Variants in LCMT1 observed in about 807,000 individuals in gnomAD.
The protein encoded by LCMT1 is leucine carboxyl methyltransferase 1.
A neutral mutation model predicts 47.7 loss-of-function variants in LCMT1; 32 were observed. The observed-to-expected ratio is 0.67, with a 90% confidence interval of 0.51 to 0.90. The LOEUF (loss-of-function observed/expected upper bound fraction) is 0.90, where lower values mean the gene tolerates loss of function less well. Ranked by LOEUF, LCMT1 falls within the 40% of genes least tolerant of loss-of-function variation. LCMT1 has a pLI of 0.00. For missense variants in LCMT1, 375 were observed against 415.2 expected (o/e 0.90, Z 0.84); for synonymous variants, 152 against 149.7 (o/e 1.02, Z -0.11).
intron 1 of LCMT1, among the ~76,000 whole-genome samples, chr16:25,112,220 G>A (rs1247127358): frequency 6.6e-6 from 1 of 152,344 alleles, no homozygotes. Context: ...CCTGGGTATC[G>A]TCGATGGGAG....
chr16:25,136,807 G>A (rs1363078572), intron 3 of LCMT1, among the ~76,000 whole-genome samples: 1 of 152,096 alleles, frequency 6.6e-6, no homozygotes, highest in Non-Finnish European at 1.5e-5. Flanking sequence ...CTAAAGTGCA[G>A]GGATTACAGA....
chr16:25,168,307 C>T (rs1416903793), intron 7 of LCMT1, among the ~76,000 whole-genome samples: 1 of 152,172 alleles, frequency 6.6e-6, no homozygotes, highest in Non-Finnish European at 1.5e-5. Context: ...CCTCAGCCTC[C>T]CAAAGTGCTG....
chr16:25,172,209 A>G (rs1318572304), intron 9 of LCMT1, among the ~76,000 whole-genome samples: 1 of 151,914 alleles, frequency 6.6e-6, no homozygotes, highest in Non-Finnish European at 1.5e-5. Context: ...TGGGAGGCTG[A>G]GGCAGAAGAA....
intron 6 of LCMT1, 95 bp downstream of exon 6, chr16:25,161,299 C>T: frequency 1.7e-6 from 1 of 575,570 alleles, no homozygotes; most frequent in East Asian, 3.0e-5. Flanking sequence ...ATTCATGTTC[C>T]ATTTTTTATT....
intron 1 of LCMT1, chr16:25,125,898 G>C: frequency 1.6e-6 from 1 of 638,150 alleles, no homozygotes; most frequent in South Asian, 4.4e-5. Flanking sequence ...TTGTTCAGCA[G>C]TTGGTTCACT....
At chr16:25,146,280 G>A (rs941656582) in intron 4 of LCMT1, 9 of 152,500 alleles carry the variant, frequency 5.9e-5, no homozygotes, top group African/African-American at 1.9e-4. Context: ...AGGCTCCGTG[G>A]TGTGATGACG....
At chr16:25,163,494 A>G (rs1597599986) in intron 6 of LCMT1, among the ~76,000 whole-genome samples, 1 of 151,736 alleles carries the variant, frequency 6.6e-6, no homozygotes, top group Non-Finnish European at 1.5e-5. Context: ...AAAGAATCTA[A>G]TATATATGTG....
intron 10 of LCMT1, 104 bp downstream of exon 10, chr16:25,175,138 T>C: frequency 3.1e-6 from 2 of 652,062 alleles, no homozygotes; most frequent in South Asian, 3.9e-5. Context: ...TCTTTCTCTC[T>C]CTGTCCCTTC....
At chr16:25,157,102 C>T (rs1961282514) in intron 5 of LCMT1, among the ~76,000 whole-genome samples, 1 of 152,124 alleles carries the variant, frequency 6.6e-6, no homozygotes, top group African/African-American at 2.4e-5. Context: ...TCTCGAAATG[C>T]ACCTGGCGGT....
rs1273648071 is a variant in LCMT1 at position 25,132,388 on chromosome 16, C to G, written c.206-14C>G. Reference sequence around the variant, plus strand: ...TGGGTGATAGCTTGTTTCTGTGCCTCCCCTCCCCCCTAGGATATTTTGCTC... The same window carrying G: ...TGGGTGATAGCTTGTTTCTGTGCCTGCCCTCCCCCCTAGGATATTTTGCTC... On this transcript the variant is annotated splice_polypyrimidine_tract_variant and intron_variant, in intron 2 of 10. Transcript: ENST00000399069. The G allele has an allele frequency of 6.2e-7, 1 of 1,612,658 alleles. No individual in the cohort carries two copies. The highest frequency in any genetic ancestry group is 1.1e-5 in the South Asian group (1 of 91,026).
At chr16:25,169,069 G>C (rs558902628) in intron 7 of LCMT1, 43 bp from the exon 8 acceptor site, 35 of 1,353,576 alleles carry the variant, frequency 2.6e-5, no homozygotes, top group Non-Finnish European at 3.7e-5. Context: ...TGCATATTTA[G>C]GAAACCCTTA....
intron 3 of LCMT1, among the ~76,000 whole-genome samples, chr16:25,135,284 A>AT (rs1941295712): frequency 7.1e-6 from 1 of 140,610 alleles, no homozygotes; most frequent in Non-Finnish European, 1.6e-5. Context: ...TTTCTTTTAA[A>AT]ATATATATCT....
chr16:25,125,086 A>G (rs1960121658), intron 1 of LCMT1, among the ~76,000 whole-genome samples: 2 of 152,196 alleles, frequency 1.3e-5, no homozygotes, highest in African/African-American at 4.8e-5. Flanking sequence ...TGAATATGAA[A>G]TCAGGATATA....
rs144420727 is a variant in LCMT1 at position 25,150,423 on chromosome 16, C to T, written c.405-1131C>T. ...GCAATGGCACGATCTCAGCTCACCG[C>T]AACCTCCGCCTCCTAGGTGCAAGCG... On this transcript the variant is annotated intron_variant, in intron 4 of 10. Transcript: ENST00000399069. Among the ~76,000 whole-genome samples the T allele has an allele frequency of 5.1e-3, 763 of 148,526 alleles. 9 individuals carry two copies. Among genetic ancestry groups the T allele is most frequent in the African/African-American group, 0.018 (725 of 40,198 alleles).
At chr16:25,176,803 C>T (rs117186510) in intron 10 of LCMT1, among the ~76,000 whole-genome samples, 9,147 of 150,008 alleles carry the variant, frequency 0.061, 334 homozygotes, top group East Asian at 0.14. Flanking sequence ...CTTAAGTGAT[C>T]TGCCTGGCTC....
intron 1 of LCMT1, among the ~76,000 whole-genome samples, chr16:25,118,921 G>A (rs1959883419): frequency 6.6e-6 from 1 of 152,152 alleles, no homozygotes; most frequent in African/African-American, 2.4e-5. Flanking sequence ...TCCTCTCAGT[G>A]GGGTGGGAGC....
At chr16:25,170,878 A>T (rs770809698) in intron 9 of LCMT1, 73 bp downstream of exon 9, 411 of 970,062 alleles carry the variant, frequency 4.2e-4, no homozygotes, top group Non-Finnish European at 5.8e-4. Context: ...GTATTCTTTC[A>T]TGCAGAAAAA....
chr16:25,132,398 C>T lies in LCMT1; in HGVS notation c.206-4C>T, dbSNP rs770440073. 3 of 1,613,460 alleles carry T rather than the reference C, an allele frequency of 1.9e-6. No homozygotes were observed. Among genetic ancestry groups the T allele is most frequent in the Non-Finnish European group, 2.5e-6 (3 of 1,179,754 alleles). On this transcript the variant is annotated splice_polypyrimidine_tract_variant and splice_region_variant and intron_variant, in intron 2 of 10. Transcript: ENST00000399069. ...CTTGTTTCTGTGCCTCCCCTCCCCC[C>T]TAGGATATTTTGCTCGAGTCCATGG... is the stretch of plus-strand genomic sequence containing the variant.
At chr16:25,117,288 A>T (rs1382500179) in intron 1 of LCMT1, among the ~76,000 whole-genome samples, 1 of 152,110 alleles carries the variant, frequency 6.6e-6, no homozygotes, top group African/African-American at 2.4e-5. Flanking sequence ...GATTGTCAGG[A>T]TCGCAAATCT....
Sources: gnomAD v4.1 joint callset for allele counts (sites outside exome capture counted in the v4.1 genomes callset) on GRCh38, gnomAD v4.1.1 for gene constraint, MANE v1.5 for transcripts, NCBI Gene and HGNC (gene_info 2026-07-23, HGNC 2026-07-21) for gene names.